RAB11FIP5: variants seen among roughly 807,000 people sequenced by gnomAD.
RAB11FIP5 encodes the protein RAB11 family interacting protein 5, also known as rab11 family-interacting protein 5.
Under a neutral mutation model 85.1 loss-of-function variants are expected in RAB11FIP5, and 48 were observed. The ratio of observed to expected loss-of-function variants is 0.56; its 90% CI spans 0.45 to 0.72. The LOEUF is 0.72. Among genes scored for constraint, RAB11FIP5 ranks in the 30% least tolerant of loss-of-function variants. The pLI, the probability that RAB11FIP5 is intolerant of heterozygous loss-of-function variation, is 0.00. For synonymous variants in RAB11FIP5, 729 were observed against 727.3 expected, an observed-to-expected ratio of 1.00 and a Z score of -0.04; for missense variants, 1,491 against 1,687.0, an observed-to-expected ratio of 0.88 and a Z score of 2.04.
At chr2:73,094,774 C>A (rs1263732508) in intron 1 of RAB11FIP5, among the ~76,000 whole-genome samples, 2 of 152,282 alleles carry the variant, frequency 1.3e-5, no homozygotes, top group East Asian at 3.9e-4. Flanking sequence ...CTTCCCAAGT[C>A]CCGAGGACAC....
At chr2:73,082,317 A>G (rs955730564) in intron 3 of RAB11FIP5, among the ~76,000 whole-genome samples, 1 of 152,218 alleles carries the variant, frequency 6.6e-6, no homozygotes, top group Non-Finnish European at 1.5e-5. Flanking sequence ...CCCTTTTAGG[A>G]CTAAAAGCAA....
intron 1 of RAB11FIP5, among the ~76,000 whole-genome samples, chr2:73,101,756 C>A (rs974809482): frequency 7.2e-5 from 11 of 152,200 alleles, no homozygotes; most frequent in African/African-American, 2.7e-4. Context: ...CGCTCACCAC[C>A]GCACAGGGGC....
intron 1 of RAB11FIP5, among the ~76,000 whole-genome samples, chr2:73,105,528 C>A (rs532122073): frequency 4.6e-5 from 7 of 152,200 alleles, no homozygotes; most frequent in Middle Eastern, 3.4e-3. Context: ...CAGGCATGAG[C>A]CACCACACCC....
At position 73,073,883 on chromosome 2, in the gene RAB11FIP5, CG is replaced by C. The variant is rs1248213955; in HGVS notation, c.*1637del. The C allele has an allele frequency of 6.6e-6, 1 of 152,218 alleles. No homozygotes were observed. Among genetic ancestry groups the C allele is most frequent in the Non-Finnish European group, 1.5e-5 (1 of 68,054 alleles). The allele number at this position is 152,218 out of a possible 1,614,324, so 9.4% of individuals were successfully genotyped here. On this transcript the variant is annotated 3_prime_UTR_variant, in exon 6 of 6. Transcript: ENST00000486777. ...GCAGACAGACATCACCCAGAGGGCACGTGTCTGCCTGAGGCCTTCCAAAAGC... is the reference window on the plus strand; with the variant it reads ...GCAGACAGACATCACCCAGAGGGCACTGTCTGCCTGAGGCCTTCCAAAAGC...
At position 73,080,610 on chromosome 2, in the gene RAB11FIP5, C is replaced by T; in HGVS notation, c.2622G>A (p.Gly874=). The part of the protein sequence containing the change: ...PESPETVSPK[G]SEGLPPPEPE... ...GCTCCGGTGGGGGAAGCCCCTCGCT[C>T]CCCTTGGGGCTCACAGTTTCTGGTG... is the stretch of plus-strand genomic sequence containing the variant. Residue 874 remains glycine, a synonymous_variant, in exon 4 of 6, where the codon GGG becomes GGA. Transcript: ENST00000486777. 8.1e-7 allele frequency: 1 copy of T among 1,232,326 alleles called. No homozygotes were observed. The highest frequency in any genetic ancestry group is 1.0e-6 in the Non-Finnish European group (1 of 988,034). 76.3% of individuals were successfully genotyped at this position (1,232,326 alleles called of 1,614,324 possible). A position where few individuals can be genotyped will look rare whatever the true frequency, so the allele number is the denominator to read the frequency against.
intron 1 of RAB11FIP5, among the ~76,000 whole-genome samples, chr2:73,099,722 TG>T (rs1684391986): frequency 6.6e-6 from 1 of 152,238 alleles, no homozygotes; most frequent in Non-Finnish European, 1.5e-5. Flanking sequence ...CAAGCTACTC[TG>T]GAGCTTGTTT....
intron 1 of RAB11FIP5, among the ~76,000 whole-genome samples, chr2:73,097,169 C>T (rs1325058868): frequency 1.3e-5 from 2 of 152,228 alleles, no homozygotes; most frequent in Non-Finnish European, 2.9e-5. Flanking sequence ...ACCTGAGTAG[C>T]TGGGATTACA....
At chr2:73,103,497 TTGATA>T (rs1457249700) in intron 1 of RAB11FIP5, among the ~76,000 whole-genome samples, 9 of 151,174 alleles carry the variant, frequency 6.0e-5, no homozygotes, top group Admixed American at 5.9e-4. Flanking sequence ...AGATGTAGGG[TTGATA>T]GCACAGTGTA....
rs1684673362 is a variant in RAB11FIP5 at position 73,112,293 on chromosome 2, G to A, written c.431+54C>T. 7.6e-6 allele frequency: 11 copies of A among 1,442,334 alleles called. 1 individual carries two copies. The South Asian group carries it at 1.3e-4, about 17-fold the overall frequency. The allele number at this position is 1,442,334 out of a possible 1,614,324, so 89.3% of individuals were successfully genotyped here. Reference sequence around the variant, plus strand: ...AGTTCGGGGTCCTGATCCCCCACCAGCCCCGCCCTGTTAGGCCTTTAGCCG... The same window carrying A: ...AGTTCGGGGTCCTGATCCCCCACCAACCCCGCCCTGTTAGGCCTTTAGCCG... On this transcript the variant is annotated intron_variant, in intron 1 of 5. Coordinates refer to ENST00000486777, the MANE Select transcript of RAB11FIP5 (RefSeq NM_001371272.1).
At position 73,112,605 on chromosome 2, in the gene RAB11FIP5, G is replaced by T; in HGVS notation, c.173C>A (p.Ser58Ter). 6.2e-7 allele frequency: 1 copy of T among 1,601,090 alleles called. No homozygotes were observed. The highest frequency in any genetic ancestry group is 1.1e-5 in the South Asian group (1 of 88,990). ...IQVGREKYSTSVVEKTHGCPE... is the reference protein window; with the variant it reads ...IQVGREKYST Reference sequence around the variant, plus strand: ...GCAGCCGTGCGTCTTCTCCACCACCGACGTACTGTACTTCTCGCGGCCCAC... The same window carrying T: ...GCAGCCGTGCGTCTTCTCCACCACCTACGTACTGTACTTCTCGCGGCCCAC... Residue 58 changes from serine (S) to a stop codon, truncating the protein, a stop_gained, in exon 1 of 6, where the codon TCG (serine) becomes TAG (stop). Transcript: ENST00000486777. LOFTEE classifies it high-confidence loss of function.
rs114606868 is a variant in RAB11FIP5, at chr2:73,086,792, G to A, written c.1568+1258C>T. On this transcript the variant is annotated intron_variant, in intron 3 of 5. Coordinates refer to ENST00000486777, the MANE Select transcript of RAB11FIP5 (RefSeq NM_001371272.1). The surrounding 1 kb of genome is among the most constrained non-coding windows in gnomAD (Gnocchi z 4.4). Reference sequence around the variant, plus strand: ...CACCTGAGCTCTGGTGAGTAGGGGCGGGGCAGTAGGGACAGGAGCTGCCAT... The same window carrying A: ...CACCTGAGCTCTGGTGAGTAGGGGCAGGGCAGTAGGGACAGGAGCTGCCAT... 4.6e-3 allele frequency among the ~76,000 whole-genome samples: 705 copies of A among 152,268 alleles called. 10 individuals carry two copies. Among genetic ancestry groups the A allele is most frequent in the African/African-American group, 0.016 (658 of 41,536 alleles).
intron 1 of RAB11FIP5, among the ~76,000 whole-genome samples, chr2:73,097,201 C>T (rs1684336414): frequency 6.6e-6 from 1 of 152,136 alleles, no homozygotes; most frequent in Non-Finnish European, 1.5e-5. Flanking sequence ...CCCCGCCTGG[C>T]TAATTTTGTA....
chr2:73,096,333 A>T (rs1224589306), intron 1 of RAB11FIP5, among the ~76,000 whole-genome samples: 1 of 152,168 alleles, frequency 6.6e-6, no homozygotes, highest in Admixed American at 6.5e-5. Flanking sequence ...GAGGTCCTGC[A>T]CTCAGGGGAG....
At chr2:73,093,214 G>A (rs1436823976) in intron 1 of RAB11FIP5, among the ~76,000 whole-genome samples, 2 of 152,172 alleles carry the variant, frequency 1.3e-5, no homozygotes, top group Non-Finnish European at 2.9e-5. Flanking sequence ...AAGCCCCCAC[G>A]GGGAATATGA....
intron 2 of RAB11FIP5, 34 bp downstream of exon 2, chr2:73,088,845 C>G (rs771163919): frequency 6.5e-7 from 1 of 1,539,112 alleles, no homozygotes; most frequent in South Asian, 1.3e-5. Flanking sequence ...GCCAGTGCCC[C>G]CCTCCCCAGG....
chr2:73,075,586 G>A lies in RAB11FIP5; in HGVS notation c.3910C>T (p.Leu1304=), dbSNP rs759206783. ...GAGGTCTCCATGATCCGCACCAGCA[G>A]CCGGTCGATGTAGCTCTCCAGCTCC... ...VQELESYIDR[L]LVRIMETSPT... The change falls in exon 6 of 6, where the codon CTG becomes TTG. Residue 1304 remains leucine (L), a synonymous_variant. Coordinates refer to ENST00000486777, the MANE Select transcript of RAB11FIP5 (RefSeq NM_001371272.1). This position sits in a 1 kb window ranked among gnomAD's most constrained non-coding sequence, Gnocchi z 4.6. The A allele has an allele frequency of 6.2e-7, 1 of 1,614,186 alleles. No individual in the cohort carries two copies. The highest frequency in any genetic ancestry group is 8.5e-7 in the Non-Finnish European group (1 of 1,180,008).
Position 73,112,680 on chromosome 2 carries a change from C to T in RAB11FIP5, c.98G>A (p.Gly33Asp). 6.3e-7 allele frequency: 1 copy of T among 1,588,602 alleles called. No homozygotes were observed. Among genetic ancestry groups the T allele is most frequent in the Non-Finnish European group, 8.6e-7 (1 of 1,169,536 alleles). Residue 33 changes from glycine to aspartate, a missense_variant, in exon 1 of 6, where the codon GGC (glycine) becomes GAC (aspartate). Physicochemically the swap from Gly to Asp is moderately conservative, Grantham distance 94 (BLOSUM62 -1). Transcript: ENST00000486777. ...VTVLRARGLR[G>D]KSSGAGSTSD... ...GGTGCTGCCCGCTCCCGAGCTCTTG[C>T]CCCGCAGCCCGCGGGCCCGCAGCAC...
chr2:73,098,992 C>T (rs1574302470), intron 1 of RAB11FIP5, among the ~76,000 whole-genome samples: 2 of 150,944 alleles, frequency 1.3e-5, no homozygotes, highest in Non-Finnish European at 3.0e-5. Context: ...TTATTTAATA[C>T]AGTAATAAAG....
intron 4 of RAB11FIP5, among the ~76,000 whole-genome samples, chr2:73,079,338 CT>C (rs907263429): frequency 2.9e-4 from 44 of 152,204 alleles, no homozygotes; most frequent in African/African-American, 9.9e-4. Context: ...CACTGCTCTC[CT>C]TCCCTGCCAG....
Sources: allele counts gnomAD v4.1 joint callset (sites outside exome capture counted in the v4.1 genomes callset), GRCh38; gene constraint gnomAD v4.1.1; non-coding constraint Gnocchi (gnomAD v3.1); transcripts MANE v1.5; gene names NCBI Gene and HGNC (gene_info 2026-07-23, HGNC 2026-07-21).